RBFOX1: variants seen among roughly 807,000 people sequenced by gnomAD.
The protein encoded by RBFOX1 is RNA binding protein fox-1 homolog 1.
RBFOX1 carries 8 observed loss-of-function variants against 57.7 expected under a neutral mutation model. The ratio of observed to expected loss-of-function variants is 0.14; its 90% CI spans 0.08 to 0.25. The LOEUF (loss-of-function observed/expected upper bound fraction) is 0.25. Ranked by LOEUF, RBFOX1 falls within the 10% of genes least tolerant of loss-of-function variation. The pLI is 1.00. For missense variants in RBFOX1, 611 were observed against 548.5 expected (o/e 1.11, Z -1.14); for synonymous variants, 326 against 222.4 (o/e 1.47, Z -4.15).
chr16:6,540,144 G>T (rs1274206804), intron 2 of RBFOX1, among the ~76,000 whole-genome samples: 2 of 152,128 alleles, frequency 1.3e-5, no homozygotes, highest in African/African-American at 4.8e-5. Context: ...ACCTGATTCT[G>T]TATGTGGCTT....
At chr16:6,612,863 A>AAAAAAAAAAT (rs59339311) in intron 2 of RBFOX1, among the ~76,000 whole-genome samples, 6 of 132,242 alleles carry the variant, frequency 4.5e-5, no homozygotes, top group South Asian at 2.6e-4. Flanking sequence ...AAAAAAAAAA[A>AAAAAAAAAAT]AATAATAATA....
At chr16:7,372,511 C>A (rs2097586135) in intron 4 of RBFOX1, among the ~76,000 whole-genome samples, 1 of 152,182 alleles carries the variant, frequency 6.6e-6, no homozygotes, top group Non-Finnish European at 1.5e-5. Context: ...GAGGTCACAT[C>A]TTCTGCCAAC....
chr16:7,690,140 C>G (rs1019457616), intron 14 of RBFOX1, among the ~76,000 whole-genome samples: 1 of 152,056 alleles, frequency 6.6e-6, no homozygotes, highest in Non-Finnish European at 1.5e-5. Context: ...ATTAGAGTCA[C>G]CTATAGAGCA....
chr16:7,016,124 C>G (rs953770968), intron 3 of RBFOX1, among the ~76,000 whole-genome samples: 1 of 152,100 alleles, frequency 6.6e-6, no homozygotes, highest in African/African-American at 2.4e-5. Flanking sequence ...ACTTCTGGGA[C>G]AAAGCATGGA....
chr16:6,810,409 G>A (rs907184209), intron 3 of RBFOX1, among the ~76,000 whole-genome samples: 1 of 152,038 alleles, frequency 6.6e-6, no homozygotes, highest in Non-Finnish European at 1.5e-5. Context: ...CGTGGACAAT[G>A]GTACTTTTTC....
At position 7,437,326 on chromosome 16, in the gene RBFOX1, G is replaced by A. The variant is rs1026174062; in HGVS notation, c.28-80821G>A. Among the ~76,000 whole-genome samples, 7 of 152,088 alleles carry A rather than the reference G, an allele frequency of 4.6e-5. No homozygotes were observed. In the South Asian group the frequency reaches 1.2e-3, roughly 27 times the overall value. ...GGCAGCTCCCACTTTGAGGGTGGGGGAGGAGTACTTGTCCATCAAACATGG... is the reference window on the plus strand; with the variant it reads ...GGCAGCTCCCACTTTGAGGGTGGGGAAGGAGTACTTGTCCATCAAACATGG... On this transcript the variant is annotated intron_variant, in intron 4 of 15. Coordinates refer to ENST00000550418, the MANE Select transcript of RBFOX1 (RefSeq NM_018723.4).
intron 4 of RBFOX1, among the ~76,000 whole-genome samples, chr16:7,202,318 G>T (rs28637321): frequency 6.9e-6 from 1 of 145,928 alleles, no homozygotes; most frequent in Non-Finnish European, 1.5e-5. Context: ...AAAAAAAGAA[G>T]CACAGAAAAC....
intron 4 of RBFOX1, among the ~76,000 whole-genome samples, chr16:5,906,348 T>C (rs2058455822): frequency 6.6e-6 from 1 of 152,130 alleles, no homozygotes; most frequent in Admixed American, 6.5e-5. Flanking sequence ...TGCAGTAATG[T>C]GAAAATAAAA....
At chr16:6,371,111 C>T (rs995424068) in intron 2 of RBFOX1, among the ~76,000 whole-genome samples, 1 of 152,146 alleles carries the variant, frequency 6.6e-6, no homozygotes, top group Admixed American at 6.5e-5. Context: ...AACATCAGTC[C>T]TTTGGATCAT....
intron 3 of RBFOX1, among the ~76,000 whole-genome samples, chr16:5,810,418 A>G (rs1438216492): frequency 6.6e-6 from 1 of 152,206 alleles, no homozygotes; most frequent in Non-Finnish European, 1.5e-5. Context: ...CTGATCTTGG[A>G]CTTTTAGTCC....
chr16:6,834,625 A>C (rs917219802), intron 3 of RBFOX1, among the ~76,000 whole-genome samples: 2 of 152,184 alleles, frequency 1.3e-5, no homozygotes, highest in African/African-American at 4.8e-5. Context: ...TGACTAAGCA[A>C]GGGTAGACAG....
intron 1 of RBFOX1, among the ~76,000 whole-genome samples, chr16:5,334,149 G>A (rs2064837787): frequency 6.6e-6 from 1 of 152,182 alleles, no homozygotes; most frequent in Admixed American, 6.5e-5. Context: ...TGGAGGAGAA[G>A]TTTATTGTGG....
rs1555545301 is a variant in RBFOX1 at position 6,193,368 on chromosome 16, A to AC, written c.-126-123627_-126-123626insC. Among the ~76,000 whole-genome samples, 4 of 114,298 alleles carry AC rather than the reference A, an allele frequency of 3.5e-5. No homozygotes were observed. The East Asian group carries it at 7.1e-4, about 20-fold the overall frequency. The allele number at this position is 114,298 out of a possible 152,430, so 75.0% of individuals were successfully genotyped here. On this transcript the variant is annotated intron_variant, in intron 1 of 15. Transcript: ENST00000550418. ...ACATATATATACATTATATATATATATATATATACATTATATATATATACT... is the reference window on the plus strand; with the variant it reads ...ACATATATATACATTATATATATATACTATATATACATTATATATATATACT...
chr16:5,578,950 T>G (rs1032830684), intron 2 of RBFOX1, among the ~76,000 whole-genome samples: 2 of 150,430 alleles, frequency 1.3e-5, no homozygotes, highest in Admixed American at 6.7e-5. Context: ...TGGGTTCTAG[T>G]GATTCTCCTG....
rs570123484 is a variant in RBFOX1 at position 5,704,336 on chromosome 16, C to G, written c.318+105375C>G. Among the ~76,000 whole-genome samples the G allele has an allele frequency of 2.2e-4, 33 of 152,210 alleles. No homozygotes were observed. The South Asian group carries it at 6.9e-3, about 32-fold the overall frequency. ...ATCACTAGAAGGTAGAAATTAAGTACTCTCTGCTTATCTCTCAGAGAAGAG... is the reference window on the plus strand; with the variant it reads ...ATCACTAGAAGGTAGAAATTAAGTAGTCTCTGCTTATCTCTCAGAGAAGAG... On this transcript the variant is annotated intron_variant, in intron 3 of 19. Coordinates refer to the RBFOX1 transcript ENST00000641259.
chr16:5,453,505 A>T (rs865939021), intron 1 of RBFOX1, among the ~76,000 whole-genome samples: 1 of 152,114 alleles, frequency 6.6e-6, no homozygotes, highest in Non-Finnish European at 1.5e-5. Flanking sequence ...TTCATCAACA[A>T]TTCATGCTCT....
intron 1 of RBFOX1, among the ~76,000 whole-genome samples, chr16:6,171,528 GT>G (rs2096960642): frequency 6.6e-6 from 1 of 152,196 alleles, no homozygotes; most frequent in African/African-American, 2.4e-5. Flanking sequence ...TCATTGGCTT[GT>G]TGGACCAGCA....
At chr16:6,533,377 C>T (rs1166420081) in intron 2 of RBFOX1, among the ~76,000 whole-genome samples, 1 of 152,076 alleles carries the variant, frequency 6.6e-6, no homozygotes, top group Admixed American at 6.6e-5. Context: ...CATTAGGATC[C>T]CTGGGTAGAA....
At chr16:6,975,424 C>G (rs537612459) in intron 3 of RBFOX1, among the ~76,000 whole-genome samples, 1 of 152,230 alleles carries the variant, frequency 6.6e-6, no homozygotes, top group Non-Finnish European at 1.5e-5. Context: ...TACCACCATA[C>G]CCAGTTAATT....
Sources: allele counts gnomAD v4.1 joint callset (sites outside exome capture counted in the v4.1 genomes callset), GRCh38; gene constraint gnomAD v4.1.1; transcripts MANE v1.5; gene names NCBI Gene and HGNC (gene_info 2026-07-23, HGNC 2026-07-21).